The following ORC4 variants were observed in gnomAD, a reference collection of about 807,000 sequenced individuals.
ORC4 encodes origin recognition complex, subunit 4 homolog.
Under a neutral mutation model 63.9 loss-of-function variants are expected in ORC4, and 55 were observed. The observed-to-expected ratio is 0.86, with a 90% CI of 0.69 to 1.08. The LOEUF is 1.08. Ranked by LOEUF, ORC4 falls within the 50% of genes least tolerant of loss-of-function variation. The pLI is 0.00. For missense variants in ORC4, 511 were observed against 504.4 expected (o/e 1.01, Z -0.13); for synonymous variants, 150 against 168.5 (o/e 0.89, Z 0.85).
chr2:147,994,610 TG>T (rs1433400904), intron 1 of ORC4, among the ~76,000 whole-genome samples: 2 of 152,136 alleles, frequency 1.3e-5, no homozygotes, highest in Non-Finnish European at 1.5e-5. Flanking sequence ...TTGCAACAAA[TG>T]GTAATGGAAA....
At chr2:147,938,530 G>T in intron 11 of ORC4, 137 bp from the exon 12 acceptor site, 1 of 640,318 alleles carries the variant, frequency 1.6e-6, no homozygotes. Flanking sequence ...AGATTTCAAT[G>T]TGTTTCAATT....
chr2:147,992,953 C>A (rs1033949893), intron 1 of ORC4, among the ~76,000 whole-genome samples: 2 of 152,202 alleles, frequency 1.3e-5, no homozygotes, highest in Non-Finnish European at 2.9e-5. Flanking sequence ...AAAGACATAT[C>A]TGACCTATTC....
rs577517332 is a variant in ORC4 at position 147,955,906 on chromosome 2, G to C, written c.388-511C>G. Among the ~76,000 whole-genome samples the C allele has an allele frequency of 4.6e-5, 7 of 152,038 alleles. No homozygotes were observed. The South Asian group carries it at 1.2e-3, about 27-fold the overall frequency. ...TTTTGAAACATTAGATACTATAACAGTGTTTGTCTATTCAAGAGTATACTG... is the reference window on the plus strand; with the variant it reads ...TTTTGAAACATTAGATACTATAACACTGTTTGTCTATTCAAGAGTATACTG... On this transcript the variant is annotated intron_variant, in intron 6 of 13. Transcript: ENST00000392857.
At chr2:147,983,659 C>T (rs1294108201) in intron 1 of ORC4, among the ~76,000 whole-genome samples, 1 of 152,172 alleles carries the variant, frequency 6.6e-6, no homozygotes. Context: ...ATTGAAGATG[C>T]CCTGTTGTCA....
At chr2:147,941,514 A>T (rs897735646) in intron 10 of ORC4, among the ~76,000 whole-genome samples, 14 of 152,070 alleles carry the variant, frequency 9.2e-5, no homozygotes, top group Non-Finnish European at 1.6e-4. Flanking sequence ...GTTTAATTGT[A>T]GTATTTCTCT....
chr2:147,971,476 A>T (rs1690206096), intron 4 of ORC4, among the ~76,000 whole-genome samples: 1 of 151,890 alleles, frequency 6.6e-6, no homozygotes. Flanking sequence ...CTCACCAAAC[A>T]TATATAGATG....
intron 2 of ORC4, among the ~76,000 whole-genome samples, chr2:147,973,831 GA>G (rs769397300): frequency 1.4e-4 from 21 of 152,166 alleles, no homozygotes; most frequent in Non-Finnish European, 2.8e-4. Flanking sequence ...AACGAGTTAA[GA>G]AAAGAATTCT....
intron 1 of ORC4, among the ~76,000 whole-genome samples, chr2:147,976,205 AT>A (rs201960378): frequency 3.5e-3 from 529 of 149,340 alleles, no homozygotes; most frequent in East Asian, 8.2e-3. Context: ...CAGATGGTGC[AT>A]TTTTTTTTTA....
At chr2:148,018,915 G>A (rs566758483) in intron 1 of ORC4, among the ~76,000 whole-genome samples, 1 of 152,206 alleles carries the variant, frequency 6.6e-6, no homozygotes, top group African/African-American at 2.4e-5. Flanking sequence ...GACTGTGGCA[G>A]CGCTTACATA....
At chr2:147,982,134 ATCT>A (rs759780839) in intron 1 of ORC4, 58 of 152,314 alleles carry the variant, frequency 3.8e-4, no homozygotes, top group Non-Finnish European at 7.3e-4. Flanking sequence ...ACCCTTAAGC[ATCT>A]TCTTTCTTAG....
chr2:147,997,450 T>A (rs148987388), intron 1 of ORC4, among the ~76,000 whole-genome samples: 1,702 of 152,286 alleles, frequency 0.011, 36 homozygotes, highest in East Asian at 0.051. Context: ...GAAAATTTTT[T>A]ATATCTTATC....
At chr2:148,010,978 G>GCCACCAT (rs1193445935) in intron 1 of ORC4, among the ~76,000 whole-genome samples, 4 of 149,530 alleles carry the variant, frequency 2.7e-5, no homozygotes, top group Non-Finnish European at 5.9e-5. Context: ...ACAGGCATAA[G>GCCACCAT]CCACCATGCC....
intron 1 of ORC4, among the ~76,000 whole-genome samples, chr2:147,988,945 T>G (rs1691396402): frequency 6.6e-6 from 1 of 152,236 alleles, no homozygotes; most frequent in Non-Finnish European, 1.5e-5. Flanking sequence ...ATAAAAATTC[T>G]CATATCTATA....
chr2:147,957,187 A>T (rs1432409480), intron 6 of ORC4, among the ~76,000 whole-genome samples: 1 of 147,554 alleles, frequency 6.8e-6, no homozygotes, highest in East Asian at 1.9e-4. Context: ...AGATAATTAT[A>T]TAGATATAAC....
In ORC4 at chr2:147,935,708, G is replaced by C. The variant is rs1688012739; in HGVS notation, c.1123-10C>G. The C allele has an allele frequency of 3.7e-6, 6 of 1,608,072 alleles. No individual in the cohort carries two copies. The South Asian group carries it at 6.6e-5, about 18-fold the overall frequency. Reference sequence around the variant, plus strand: ...GCAAGTGTTCAAAAGCCTGAAAGATGAAAGAAATAGTTTAGGTTGAATAGG... The same window carrying C: ...GCAAGTGTTCAAAAGCCTGAAAGATCAAAGAAATAGTTTAGGTTGAATAGG... On this transcript the variant is annotated splice_polypyrimidine_tract_variant and intron_variant, in intron 13 of 13. Coordinates refer to ENST00000392857, the MANE Select transcript of ORC4 (RefSeq NM_181741.4).
At chr2:148,021,442 A>C, upstream of ORC4, 1 of 563,794 alleles carries the variant, frequency 1.8e-6, no homozygotes, top group Non-Finnish European at 3.4e-6. Flanking sequence ...TCTTAGCAAC[A>C]CAGACCCTTT....
chr2:147,944,858 T>C (rs1312690542), intron 9 of ORC4, among the ~76,000 whole-genome samples: 1 of 152,126 alleles, frequency 6.6e-6, no homozygotes, highest in African/African-American at 2.4e-5. Context: ...ATCTTAATTA[T>C]AGTTCCCACT....
At chr2:147,971,774 G>T (rs1690226476) in intron 4 of ORC4, among the ~76,000 whole-genome samples, 1 of 151,820 alleles carries the variant, frequency 6.6e-6, no homozygotes, top group Admixed American at 6.6e-5. Flanking sequence ...ATTAAACATA[G>T]ATTTGAAACT....
rs966010425 is a variant in ORC4, at chr2:147,952,393, T to C, written c.568A>G (p.Ile190Val). ...CTTACCAATCTACATGTAAGACCAA[T>C]AACTGCTATTGGGGTCTGTGCAGAC... ...SQSAQTPIAV[I>V]GLTCRLDILE... Residue 190 changes from isoleucine to valine, a missense_variant, in exon 8 of 14, where the codon ATT (isoleucine) becomes GTT (valine). Ile to Val is a conservative substitution (Grantham distance 29, BLOSUM62 3). Coordinates refer to ENST00000392857, the MANE Select transcript of ORC4 (RefSeq NM_181741.4). 2 of 1,608,410 alleles carry C rather than the reference T, an allele frequency of 1.2e-6. No individual in the cohort carries two copies. Among genetic ancestry groups the C allele is most frequent in the Non-Finnish European group, 1.7e-6 (2 of 1,175,170 alleles).
Sources: gnomAD v4.1 joint callset for allele counts (sites outside exome capture counted in the v4.1 genomes callset) on GRCh38, gnomAD v4.1.1 for gene constraint, MANE v1.5 for transcripts, NCBI Gene and HGNC (gene_info 2026-07-23, HGNC 2026-07-21) for gene names.